NLGN1: variants seen among roughly 807,000 people sequenced by gnomAD.
NLGN1 encodes neuroligin 1.
NLGN1 carries 12 observed loss-of-function variants against 65.5 expected under a neutral mutation model. The ratio of observed to expected loss-of-function variants is 0.18; its 90% CI spans 0.12 to 0.30. The LOEUF is 0.30. NLGN1 is among the 10% of genes least tolerant of loss of function. The pLI is 1.00. For missense variants in NLGN1, 750 were observed against 1,007.1 expected, an observed-to-expected ratio of 0.74 and a Z score of 3.46; for synonymous variants, 350 against 359.5, an observed-to-expected ratio of 0.97 and a Z score of 0.30.
At chr3:173,992,992 A>G (rs759863182) in intron 4 of NLGN1, among the ~76,000 whole-genome samples, 1 of 152,186 alleles carries the variant, frequency 6.6e-6, no homozygotes, top group Non-Finnish European at 1.5e-5. Context: ...GTGTGGCGTA[A>G]TAGTACAAGA....
chr3:173,504,749 C>A (rs911481731), intron 2 of NLGN1, among the ~76,000 whole-genome samples: 1 of 152,060 alleles, frequency 6.6e-6, no homozygotes, highest in East Asian at 1.9e-4. Context: ...CAGTCCTCTT[C>A]ATTGGTGATC....
At chr3:173,500,186 G>A (rs910130371) in intron 2 of NLGN1, among the ~76,000 whole-genome samples, 2 of 152,050 alleles carry the variant, frequency 1.3e-5, no homozygotes, top group African/African-American at 4.8e-5. Context: ...CTGGCTGTGG[G>A]TTTGTCATAG....
chr3:174,197,856 C>T (rs1465850660), intron 4 of NLGN1, among the ~76,000 whole-genome samples: 1 of 151,402 alleles, frequency 6.6e-6, no homozygotes, highest in African/African-American at 2.4e-5. Flanking sequence ...ATAACAGTAA[C>T]ACATATTTAC....
intron 4 of NLGN1, among the ~76,000 whole-genome samples, chr3:173,883,570 A>G (rs569482191): frequency 6.6e-6 from 1 of 152,306 alleles, no homozygotes; most frequent in African/African-American, 2.4e-5. Context: ...ACAAATCTTC[A>G]GTTTATATAA....
intron 4 of NLGN1, among the ~76,000 whole-genome samples, chr3:174,082,961 A>G (rs1742540944): frequency 6.6e-6 from 1 of 152,218 alleles, no homozygotes; most frequent in Non-Finnish European, 1.5e-5. Flanking sequence ...TCCTGACCTC[A>G]GGTGATCCGC....
intron 4 of NLGN1, among the ~76,000 whole-genome samples, chr3:173,830,851 G>C (rs936867687): frequency 9.8e-5 from 15 of 152,286 alleles, no homozygotes; most frequent in African/African-American, 3.6e-4. Flanking sequence ...ACTAGTCCAT[G>C]TTTACCTTGT....
At chr3:174,095,355 C>G (rs1369612130) in intron 4 of NLGN1, among the ~76,000 whole-genome samples, 4 of 151,822 alleles carry the variant, frequency 2.6e-5, no homozygotes, top group Non-Finnish European at 5.9e-5. Context: ...AAGAGCAGCC[C>G]TCACATATCT....
intron 1 of NLGN1, among the ~76,000 whole-genome samples, chr3:173,415,905 AGAGAGAGAGAGAGG>A (rs1381701184): frequency 9.2e-5 from 11 of 120,090 alleles, no homozygotes; most frequent in African/African-American, 3.0e-4. Flanking sequence ...ATATATATAT[AGAGAGAGAGAGAGG>A]GAGAGAGAGA....
intron 2 of NLGN1, among the ~76,000 whole-genome samples, chr3:173,544,786 G>T (rs1426422016): frequency 6.6e-6 from 1 of 152,090 alleles, no homozygotes; most frequent in African/African-American, 2.4e-5. Context: ...ACTATAGGAT[G>T]AAAAGGAAAA....
intron 2 of NLGN1, among the ~76,000 whole-genome samples, chr3:173,495,506 G>A (rs1333086792): frequency 6.6e-6 from 1 of 151,260 alleles, no homozygotes; most frequent in Non-Finnish European, 1.5e-5. Context: ...ATGGCCTCTA[G>A]TAAAACAGTG....
chr3:173,600,851 G>T (rs1384874358), intron 2 of NLGN1, among the ~76,000 whole-genome samples: 1 of 151,702 alleles, frequency 6.6e-6, no homozygotes, highest in Non-Finnish European at 1.5e-5. Flanking sequence ...TCTAATGTTT[G>T]TTGAGTGAAT....
intron 2 of NLGN1, among the ~76,000 whole-genome samples, chr3:173,547,785 T>C (rs1740143603): frequency 6.6e-6 from 1 of 152,060 alleles, no homozygotes; most frequent in South Asian, 2.1e-4. Context: ...AGTACTCTCT[T>C]GGGGTCTATA....
At chr3:174,107,746 TTTCCA>T (rs1487362996) in intron 4 of NLGN1, among the ~76,000 whole-genome samples, 2 of 152,162 alleles carry the variant, frequency 1.3e-5, no homozygotes, top group Non-Finnish European at 2.9e-5. Flanking sequence ...CCATTTTACA[TTTCCA>T]CCAGCAATGT....
intron 4 of NLGN1, among the ~76,000 whole-genome samples, chr3:174,180,396 A>T (rs1252603257): frequency 6.6e-6 from 1 of 152,186 alleles, no homozygotes; most frequent in East Asian, 1.9e-4. Context: ...CAAAGTGAAT[A>T]AACAAGTGCA....
intron 3 of NLGN1, among the ~76,000 whole-genome samples, chr3:173,694,722 A>AG (rs1310168127): frequency 6.6e-6 from 1 of 152,184 alleles, no homozygotes; most frequent in East Asian, 1.9e-4. Context: ...TTATAAGCCT[A>AG]GGGCTTACAG....
exon 5 of NLGN1, chr3:174,275,349 G>C (rs756985901): frequency 1.2e-6 from 2 of 1,612,466 alleles, no homozygotes; most frequent in African/African-American, 1.3e-5. Context: ...CTGCAAAGGG[G>C]AACTATGGAC....
At chr3:173,722,634 T>C (rs1771047922) in intron 3 of NLGN1, among the ~76,000 whole-genome samples, 1 of 152,172 alleles carries the variant, frequency 6.6e-6, no homozygotes, top group African/African-American at 2.4e-5. Flanking sequence ...GTGCAGGCAC[T>C]GCAGCCACAT....
chr3:174,043,917 A>G (rs1251810564), intron 4 of NLGN1, among the ~76,000 whole-genome samples: 1 of 152,202 alleles, frequency 6.6e-6, no homozygotes, highest in African/African-American at 2.4e-5. Flanking sequence ...TGCAGCCTGC[A>G]GCACACTTCT....
At chr3:174,093,209 C>T (rs1019048918) in intron 4 of NLGN1, among the ~76,000 whole-genome samples, 8 of 152,118 alleles carry the variant, frequency 5.3e-5, no homozygotes, top group South Asian at 2.1e-4. Context: ...TTTCAGCAAA[C>T]GCAATTTTGC....
Sources: gnomAD v4.1 joint callset for allele counts (sites outside exome capture counted in the v4.1 genomes callset) on GRCh38, gnomAD v4.1.1 for gene constraint, MANE v1.5 for transcripts, NCBI Gene and HGNC (gene_info 2026-07-23, HGNC 2026-07-21) for gene names.